JARID2: variants seen among roughly 807,000 people sequenced by gnomAD.
The protein encoded by JARID2 is protein Jumonji.
Under a neutral mutation model 125.6 loss-of-function variants are expected in JARID2, and 21 were observed. The ratio of observed to expected loss-of-function variants is 0.17; its 90% CI spans 0.12 to 0.24. JARID2 has a LOEUF of 0.24. JARID2 is among the 10% of genes least tolerant of loss of function. The pLI is 1.00. For missense variants in JARID2, 1,303 were observed against 1,639.6 expected (o/e 0.79, Z 3.55); for synonymous variants, 736 against 661.6 (o/e 1.11, Z -1.73).
intron 1 of JARID2, chr6:15,247,424 T>C (rs1264919806): frequency 1.2e-5 from 1 of 83,838 alleles, no homozygotes; most frequent in Non-Finnish European, 1.8e-5. Context: ...GTGTGGTGGC[T>C]TTTTTTTTTT....
chr6:15,278,914 CAAAAATT>C (rs949385851), intron 1 of JARID2, among the ~76,000 whole-genome samples: 2 of 152,002 alleles, frequency 1.3e-5, no homozygotes, highest in African/African-American at 4.8e-5. Context: ...ACTAAAAATA[CAAAAATT>C]AGCTGGGTGT....
intron 3 of JARID2, among the ~76,000 whole-genome samples, chr6:15,431,330 G>A (rs952729292): frequency 1.1e-4 from 17 of 152,136 alleles, no homozygotes; most frequent in African/African-American, 4.1e-4. Flanking sequence ...GAACCCAAAT[G>A]CACGCTGATG....
At chr6:15,362,079 G>A (rs1763816673) in intron 1 of JARID2, among the ~76,000 whole-genome samples, 1 of 151,686 alleles carries the variant, frequency 6.6e-6, no homozygotes, top group African/African-American at 2.4e-5. Flanking sequence ...TTTTTAGTGG[G>A]TTCCGCCATG....
chr6:15,268,392 G>A (rs1223205304), intron 1 of JARID2, among the ~76,000 whole-genome samples: 1 of 152,218 alleles, frequency 6.6e-6, no homozygotes, highest in Non-Finnish European at 1.5e-5. Flanking sequence ...AGAGGGAAAT[G>A]GTTGCTACCT....
rs201365481 is a variant in JARID2, at chr6:15,452,522, G to GT, written c.493+356dup. On this transcript the variant is annotated intron_variant, in intron 4 of 17. Transcript: ENST00000341776. ...CATTGCTGACTTGTTTTGTAAGGCA[G>GT]TTTTTTTTTGATGCAGGACTTTGGG... Among the ~76,000 whole-genome samples the GT allele has an allele frequency of 3.9e-3, 598 of 151,440 alleles. 4 individuals carry two copies. The highest frequency in any genetic ancestry group is 0.024 in the Middle Eastern group (7 of 294).
intron 1 of JARID2, among the ~76,000 whole-genome samples, chr6:15,253,478 C>G (rs1759533826): frequency 6.6e-6 from 1 of 152,158 alleles, no homozygotes; most frequent in African/African-American, 2.4e-5. Context: ...CTGTTCCTGT[C>G]ACTTCTTGCA....
chr6:15,490,170 GAT>G (rs1264451309), intron 6 of JARID2, among the ~76,000 whole-genome samples: 1 of 151,962 alleles, frequency 6.6e-6, no homozygotes, highest in African/African-American at 2.4e-5. Flanking sequence ...TGATACAAGT[GAT>G]TAGACTGTGA....
chr6:15,460,864 C>T (rs1768413149), intron 4 of JARID2, among the ~76,000 whole-genome samples: 2 of 152,146 alleles, frequency 1.3e-5, no homozygotes, highest in African/African-American at 4.8e-5. Flanking sequence ...CCCACCACAC[C>T]CAGCTAATTT....
At position 15,445,329 on chromosome 6, in the gene JARID2, G is replaced by A. The variant is rs558886279; in HGVS notation, c.324-6677G>A. Among the ~76,000 whole-genome samples the A allele has an allele frequency of 1.6e-4, 25 of 152,292 alleles. 1 individual carries two copies. Among genetic ancestry groups the A allele is most frequent in the Admixed American group, 6.5e-4 (10 of 15,298 alleles). Reference sequence around the variant, plus strand: ...ACAAGCATGGTCTCGTGATTTATTGGTTAACTTTCCAAATAATGTTAGTGT... The same window carrying A: ...ACAAGCATGGTCTCGTGATTTATTGATTAACTTTCCAAATAATGTTAGTGT... On this transcript the variant is annotated intron_variant, in intron 3 of 17. Coordinates refer to ENST00000341776, the MANE Select transcript of JARID2 (RefSeq NM_004973.4).
At chr6:15,317,550 A>C (rs753924872) in intron 1 of JARID2, among the ~76,000 whole-genome samples, 1 of 151,392 alleles carries the variant, frequency 6.6e-6, no homozygotes, top group Non-Finnish European at 1.5e-5. Context: ...GTGAGGTTGA[A>C]CTTCATCCGT....
intron 1 of JARID2, among the ~76,000 whole-genome samples, chr6:15,324,137 C>A (rs1762453454): frequency 1.3e-5 from 2 of 151,306 alleles, no homozygotes; most frequent in Admixed American, 6.6e-5. Context: ...CAAGATTGGG[C>A]CACTGCACTC....
At chr6:15,476,416 C>T (rs1334486503) in intron 5 of JARID2, among the ~76,000 whole-genome samples, 8 of 152,192 alleles carry the variant, frequency 5.3e-5, no homozygotes, top group South Asian at 4.1e-4. Context: ...CCATCAGCTT[C>T]CACATGGGCC....
At chr6:15,500,762 G>C (rs561753409) in intron 7 of JARID2, 145 bp from the exon 8 acceptor site, 1 of 698,466 alleles carries the variant, frequency 1.4e-6, no homozygotes, top group Non-Finnish European at 2.5e-6. Context: ...TGTGGACCGG[G>C]AGTCTGCTGT....
chr6:15,380,217 TAG>T (rs1330084549), intron 2 of JARID2, among the ~76,000 whole-genome samples: 1 of 151,962 alleles, frequency 6.6e-6, no homozygotes, highest in Non-Finnish European at 1.5e-5. Flanking sequence ...TATATTTTAG[TAG>T]AGAGAGGGTT....
chr6:15,425,428 G>A (rs554240311), intron 3 of JARID2, among the ~76,000 whole-genome samples: 4 of 152,264 alleles, frequency 2.6e-5, no homozygotes, highest in South Asian at 2.1e-4. Flanking sequence ...TTGTTGCGGT[G>A]TACTGTGGTA....
intron 1 of JARID2, among the ~76,000 whole-genome samples, chr6:15,340,555 T>A (rs1344640389): frequency 6.6e-6 from 1 of 152,196 alleles, no homozygotes; most frequent in Non-Finnish European, 1.5e-5. Flanking sequence ...GTCTTTGTAG[T>A]GGATGGATAT....
chr6:15,255,573 G>C (rs1198458066), intron 1 of JARID2, among the ~76,000 whole-genome samples: 2 of 152,122 alleles, frequency 1.3e-5, no homozygotes, highest in Non-Finnish European at 2.9e-5. Flanking sequence ...TGGTGGTTCT[G>C]TCTCCATTAT....
At chr6:15,255,885 A>G (rs1759644945) in intron 1 of JARID2, among the ~76,000 whole-genome samples, 1 of 152,122 alleles carries the variant, frequency 6.6e-6, no homozygotes, top group East Asian at 1.9e-4. Context: ...TCAGATTTGG[A>G]CAGGCTTGTG....
chr6:15,421,019 A>G (rs373627636), intron 3 of JARID2, among the ~76,000 whole-genome samples: 1 of 152,190 alleles, frequency 6.6e-6, no homozygotes, highest in Non-Finnish European at 1.5e-5. Flanking sequence ...CGCCTTTGGC[A>G]GATTCCATTG....
Sources: allele counts gnomAD v4.1 joint callset (sites outside exome capture counted in the v4.1 genomes callset), GRCh38; gene constraint gnomAD v4.1.1; transcripts MANE v1.5; gene names NCBI Gene and HGNC (gene_info 2026-07-23, HGNC 2026-07-21).